Variants in ATIC observed in about 807,000 individuals in gnomAD.
The protein encoded by ATIC is bifunctional purine biosynthesis protein ATIC.
ATIC carries 64 observed loss-of-function variants against 72.5 expected under a neutral mutation model. The ratio of observed to expected loss-of-function variants is 0.88; its 90% CI spans 0.72 to 1.09. The LOEUF (loss-of-function observed/expected upper bound fraction) is 1.09, where lower values mean the gene tolerates loss of function less well. Ranked by LOEUF, ATIC falls within the 50% of genes least tolerant of loss-of-function variation. ATIC has a pLI of 0.00. For missense variants in ATIC, 787 were observed against 732.4 expected (o/e 1.07, Z -0.86); for synonymous variants, 281 against 267.1 (o/e 1.05, Z -0.51).
intron 8 of ATIC, among the ~76,000 whole-genome samples, chr2:215,333,130 CTG>C (rs1348235640): frequency 1.3e-5 from 2 of 152,296 alleles, no homozygotes; most frequent in East Asian, 3.9e-4. Context: ...TTCAGTGGCT[CTG>C]TGGTTTTGGA....
chr2:215,333,262 T>C, intron 8 of ATIC, 88 bp from the exon 9 acceptor site: 1 of 1,066,226 alleles, frequency 9.4e-7, no homozygotes. Context: ...CTGCGTAGAC[T>C]GGGTGTTAAG....
downstream of ATIC, among the ~76,000 whole-genome samples, chr2:215,351,965 GA>G (rs1331152756): frequency 6.6e-6 from 1 of 152,080 alleles, no homozygotes; most frequent in East Asian, 1.9e-4. Flanking sequence ...TTAATCATGA[GA>G]AAAACATCAG....
intron 11 of ATIC, among the ~76,000 whole-genome samples, chr2:215,338,393 A>G (rs1203846623): frequency 1.3e-5 from 2 of 152,260 alleles, no homozygotes; most frequent in Non-Finnish European, 2.9e-5. Context: ...TAATTAGCAC[A>G]TCTGTTTTAT....
At chr2:215,328,792 G>A (rs1432999269) in intron 7 of ATIC, among the ~76,000 whole-genome samples, 6 of 149,014 alleles carry the variant, frequency 4.0e-5, no homozygotes, top group African/African-American at 9.9e-5. Context: ...ATCTTGGCTC[G>A]CTGCAAACTC....
At chr2:215,341,744 T>C (rs1052239880) in intron 12 of ATIC, among the ~76,000 whole-genome samples, 5 of 152,216 alleles carry the variant, frequency 3.3e-5, no homozygotes, top group African/African-American at 4.8e-5. Flanking sequence ...TTGTAGCATG[T>C]TTCTAAGACT....
At chr2:215,361,244 G>A in the ATIC span, 1 of 328,094 alleles carries the variant, frequency 3.0e-6, no homozygotes, top group Non-Finnish European at 5.7e-6. Flanking sequence ...TTTGCATCTT[G>A]GTTGGCTGCA....
In ATIC at chr2:215,326,808, T is replaced by G. The variant is rs917029556; in HGVS notation, c.532-14T>G. 5 of 1,613,774 alleles carry G rather than the reference T, an allele frequency of 3.1e-6. No individual in the cohort carries two copies. The Admixed American group carries it at 8.3e-5, about 27-fold the overall frequency. On this transcript the variant is annotated splice_polypyrimidine_tract_variant and intron_variant, in intron 6 of 15. Coordinates refer to ENST00000236959, the MANE Select transcript of ATIC (RefSeq NM_004044.7). ...AGTGCTGCTCGTGTCTCACAAAACT[T>G]ACGCTTTTTGTAGGCATTCACTCAT...
At chr2:215,353,979 T>G (rs1346763759), downstream of ATIC, among the ~76,000 whole-genome samples, 3 of 152,170 alleles carry the variant, frequency 2.0e-5, no homozygotes, top group African/African-American at 7.2e-5. Context: ...ATTGCATCCA[T>G]TGTTTATTTA....
chr2:215,361,472 T>G, the ATIC span: 1 of 997,148 alleles, frequency 1.0e-6, no homozygotes, highest in Non-Finnish European at 1.6e-6. Flanking sequence ...AGAAGAACTC[T>G]AAGCTGGGTC....
intron 11 of ATIC, 98 bp from the exon 12 acceptor site, chr2:215,338,681 A>G (rs1476084178): frequency 6.0e-6 from 8 of 1,322,390 alleles, no homozygotes; most frequent in African/African-American, 4.5e-5. Context: ...AAACATGCAT[A>G]TAACTTTACT....
chr2:215,327,756 G>T (rs753917920), intron 7 of ATIC, among the ~76,000 whole-genome samples: 7 of 152,164 alleles, frequency 4.6e-5, no homozygotes, highest in Admixed American at 1.3e-4. Flanking sequence ...ATTTGGTGAG[G>T]GGGTGCAGCC....
At chr2:215,365,637 G>A in the ATIC span, 7 of 1,613,874 alleles carry the variant, frequency 4.3e-6, no homozygotes, top group Admixed American at 1.2e-4. Flanking sequence ...CATCCTGTAG[G>A]GGTGGGGAAA....
In ATIC at chr2:215,344,783, C is replaced by G; in HGVS notation, c.1232C>G (p.Pro411Arg). ...ACCATTGTGTATGTGTTTCAGTTGC[C>G]AGAGTCTGCCCTCCGAGACCTCATC... ...SNVVTKNKDLPESALRDLIVA... is the reference protein window; with the variant it reads ...SNVVTKNKDLRESALRDLIVA... Residue 411 changes from proline to arginine, a missense_variant, in exon 13 of 16, where the codon CCA (proline) becomes CGA (arginine). Transcript: ENST00000236959. 1.2e-6 allele frequency: 2 copies of G among 1,613,862 alleles called. No homozygotes were observed. Among genetic ancestry groups the G allele is most frequent in the African/African-American group, 2.7e-5 (2 of 74,976 alleles).
intron 12 of ATIC, among the ~76,000 whole-genome samples, chr2:215,343,383 C>T (rs2053040258): frequency 6.6e-6 from 1 of 152,164 alleles, no homozygotes; most frequent in African/African-American, 2.4e-5. Context: ...GTCACCTAGA[C>T]TGGAGTGCAG....
intron 8 of ATIC, 50 bp from the exon 9 acceptor site, chr2:215,333,300 G>GGTA: frequency 1.3e-6 from 2 of 1,495,848 alleles, no homozygotes; most frequent in South Asian, 2.3e-5. Context: ...GGAGTTGACA[G>GGTA]GTAGTAACTT....
At chr2:215,362,053 T>TCTGCGGCAGTTGTCACAGCGCCAGCC in the ATIC span, 56 of 1,614,010 alleles carry the variant, frequency 3.5e-5, no homozygotes, top group Non-Finnish European at 4.7e-5. Flanking sequence ...CACCCCCAGG[T>TCTGCGGCAGTTGTCACAGCGCCAGCC]CTGCGGCAGT....
At chr2:215,349,841 ATG>A (rs150149750), downstream of ATIC, 2,042 of 1,086,312 alleles carry the variant, frequency 1.9e-3, 30 homozygotes, top group African/African-American at 0.028. Flanking sequence ...TAACACATAA[ATG>A]AGGAATTCCA....
chr2:215,348,716 A>T (rs958049637), intron 14 of ATIC: 2 of 397,588 alleles, frequency 5.0e-6, no homozygotes, highest in African/African-American at 4.4e-5. Context: ...TAATCCCAGC[A>T]CTTTGGGAGG....
At chr2:215,339,789 A>C (rs565923721) in intron 12 of ATIC, among the ~76,000 whole-genome samples, 9 of 151,576 alleles carry the variant, frequency 5.9e-5, no homozygotes, top group East Asian at 3.9e-4. Flanking sequence ...CGCCCGCCAC[A>C]ACGCCTGGCT....
Sources: gnomAD v4.1 joint callset for allele counts (sites outside exome capture counted in the v4.1 genomes callset) on GRCh38, gnomAD v4.1.1 for gene constraint, MANE v1.5 for transcripts, NCBI Gene and HGNC (gene_info 2026-07-23, HGNC 2026-07-21) for gene names.